The following MNAT1 variants were observed in gnomAD, a reference collection of about 807,000 sequenced individuals.
The protein encoded by MNAT1 is MNAT1 component of CDK activating kinase.
MNAT1 carries 43 observed loss-of-function variants against 42.0 expected under a neutral mutation model. The observed-to-expected ratio is 1.02, with a 90% CI of 0.80 to 1.32. MNAT1 has a LOEUF of 1.32. MNAT1 is among the 40% of genes most tolerant of loss of function. The pLI is 0.00. For synonymous variants in MNAT1, 118 were observed against 120.0 expected (o/e 0.98, Z 0.11); for missense variants, 306 against 350.4 (o/e 0.87, Z 1.01).
At chr14:60,848,320 T>C (rs943588709) in intron 6 of MNAT1, among the ~76,000 whole-genome samples, 4 of 152,232 alleles carry the variant, frequency 2.6e-5, no homozygotes, top group African/African-American at 4.8e-5. Flanking sequence ...TCTCTTTTGC[T>C]GCTTTTAAGA....
intron 1 of MNAT1, among the ~76,000 whole-genome samples, chr14:60,786,021 G>A (rs1043215731): frequency 4.0e-5 from 6 of 151,876 alleles, no homozygotes; most frequent in Non-Finnish European, 7.4e-5. Flanking sequence ...TTGTGGATAT[G>A]AAGAGTGAAA....
intron 7 of MNAT1, among the ~76,000 whole-genome samples, chr14:60,925,000 T>C (rs1172127017): frequency 6.6e-6 from 1 of 152,208 alleles, no homozygotes; most frequent in East Asian, 1.9e-4. Flanking sequence ...TAATTAATAA[T>C]AGCAGCTGAA....
intron 6 of MNAT1, among the ~76,000 whole-genome samples, chr14:60,834,209 G>C (rs2033309471): frequency 6.6e-6 from 1 of 151,988 alleles, no homozygotes; most frequent in Admixed American, 6.6e-5. Context: ...GCTGTCTTCT[G>C]CTAGCTTTTG....
chr14:60,829,246 A>G (rs893007405), intron 6 of MNAT1, among the ~76,000 whole-genome samples: 3 of 152,148 alleles, frequency 2.0e-5, no homozygotes, highest in African/African-American at 7.2e-5. Context: ...GGAGACTACA[A>G]ACGTTTTAGG....
At chr14:60,825,847 A>C (rs2033039010) in intron 6 of MNAT1, among the ~76,000 whole-genome samples, 1 of 152,174 alleles carries the variant, frequency 6.6e-6, no homozygotes, top group Non-Finnish European at 1.5e-5. Context: ...TCAGCATAAT[A>C]ACTTTCTTTT....
At chr14:60,939,549 A>C (rs1479007047) in intron 7 of MNAT1, among the ~76,000 whole-genome samples, 2 of 152,040 alleles carry the variant, frequency 1.3e-5, no homozygotes, top group Non-Finnish European at 2.9e-5. Context: ...GTTTTCAGTG[A>C]GTTTCTTAAT....
intron 3 of MNAT1, among the ~76,000 whole-genome samples, chr14:60,803,678 G>T (rs4151209): frequency 2.0e-5 from 3 of 152,156 alleles, no homozygotes; most frequent in Non-Finnish European, 4.4e-5. Flanking sequence ...GGGTGCTGTT[G>T]AAGATAAACG....
chr14:60,917,779 C>T (rs964626412), intron 7 of MNAT1, among the ~76,000 whole-genome samples: 19 of 151,944 alleles, frequency 1.3e-4, no homozygotes, highest in Non-Finnish European at 1.8e-4. Flanking sequence ...TGTGCCACCA[C>T]ACCCGGCTAA....
intron 6 of MNAT1, among the ~76,000 whole-genome samples, chr14:60,864,790 G>A (rs2034168944): frequency 6.6e-6 from 1 of 151,972 alleles, no homozygotes; most frequent in African/African-American, 2.4e-5. Flanking sequence ...TGGTGGTGGT[G>A]TTTGTGTGTA....
Position 60,942,230 on chromosome 14 carries a change from CTATCTTTATT to C in MNAT1, c.810-25996_810-25987del, listed in dbSNP as rs145822914. On this transcript the variant is annotated intron_variant, in intron 7 of 7. Coordinates refer to ENST00000261245, the MANE Select transcript of MNAT1 (RefSeq NM_002431.4). ...TAAAGAGTTCAGCCAAAAAGCACATCTATCTTTATTTAACCATTTGTTGCTGCTGCTGCTT... is the reference window on the plus strand; with the variant it reads ...TAAAGAGTTCAGCCAAAAAGCACATCTAACCATTTGTTGCTGCTGCTGCTT... 5.2e-3 allele frequency among the ~76,000 whole-genome samples: 784 copies of C among 152,208 alleles called. 14 individuals are homozygous for C. The highest frequency in any genetic ancestry group is 0.018 in the African/African-American group (735 of 41,552).
chr14:60,883,468 T>C (rs1402362182), intron 7 of MNAT1, among the ~76,000 whole-genome samples: 3 of 152,202 alleles, frequency 2.0e-5, no homozygotes, highest in African/African-American at 7.2e-5. Context: ...CATGCTATTT[T>C]AGTTACTATA....
intron 7 of MNAT1, among the ~76,000 whole-genome samples, chr14:60,926,582 T>C (rs1012781375): frequency 6.6e-6 from 1 of 152,194 alleles, no homozygotes; most frequent in Non-Finnish European, 1.5e-5. Flanking sequence ...ACAGAGGATA[T>C]ACGTGAACAG....
intron 6 of MNAT1, among the ~76,000 whole-genome samples, chr14:60,829,148 A>C (rs2033146619): frequency 2.0e-5 from 3 of 152,078 alleles, no homozygotes; most frequent in African/African-American, 7.2e-5. Flanking sequence ...ACTAATTACA[A>C]AGTTGGTTCC....
At chr14:60,911,798 G>T (rs1293831241) in intron 7 of MNAT1, among the ~76,000 whole-genome samples, 32 of 152,176 alleles carry the variant, frequency 2.1e-4, no homozygotes, top group South Asian at 1.0e-3. Context: ...GTATATTCTG[G>T]TGATTTGGGG....
intron 7 of MNAT1, among the ~76,000 whole-genome samples, chr14:60,895,911 G>A (rs750022410): frequency 6.6e-6 from 1 of 152,110 alleles, no homozygotes; most frequent in East Asian, 1.9e-4. Context: ...GTGGACACAG[G>A]CACTTTCAAG....
At chr14:60,883,906 G>T (rs1427483165) in intron 7 of MNAT1, among the ~76,000 whole-genome samples, 3 of 151,966 alleles carry the variant, frequency 2.0e-5, no homozygotes, top group Non-Finnish European at 4.4e-5. Flanking sequence ...TGATTTTTGT[G>T]TGCTGATTTT....
At chr14:60,827,673 A>C (rs990798306) in intron 6 of MNAT1, among the ~76,000 whole-genome samples, 19 of 152,222 alleles carry the variant, frequency 1.2e-4, no homozygotes, top group Admixed American at 6.5e-5. Context: ...GTAGTAAATC[A>C]AGTATAACAA....
At chr14:60,874,311 T>C (rs1468890697) in intron 6 of MNAT1, among the ~76,000 whole-genome samples, 3 of 152,174 alleles carry the variant, frequency 2.0e-5, no homozygotes, top group African/African-American at 4.8e-5. Flanking sequence ...CTGCCCACCC[T>C]TCTTTCTCCA....
At chr14:60,959,108 T>C (rs2036541600) in intron 7 of MNAT1, among the ~76,000 whole-genome samples, 1 of 152,112 alleles carries the variant, frequency 6.6e-6, no homozygotes, top group South Asian at 2.1e-4. Context: ...GGCAGAAAAC[T>C]GTGGGATGCC....
Sources: allele counts gnomAD v4.1 joint callset (sites outside exome capture counted in the v4.1 genomes callset), GRCh38; gene constraint gnomAD v4.1.1; transcripts MANE v1.5; gene names NCBI Gene and HGNC (gene_info 2026-07-23, HGNC 2026-07-21).